TCOF1: variants seen among roughly 807,000 people sequenced by gnomAD.
The protein encoded by TCOF1 is treacle protein.
In TCOF1, 33 loss-of-function variants were observed where a neutral mutation model predicts 149.0. The observed-to-expected ratio is 0.22, with a 90% confidence interval of 0.17 to 0.30. TCOF1 has a LOEUF of 0.30. Among genes scored for constraint, TCOF1 ranks in the 10% least tolerant of loss-of-function variants. The pLI is 1.00. For missense variants in TCOF1, 1,728 were observed against 1,840.7 expected (o/e 0.94, Z 1.12); for synonymous variants, 789 against 738.8 (o/e 1.07, Z -1.10).
chr5:150,382,877 G>A (rs918430424), intron 17 of TCOF1, among the ~76,000 whole-genome samples: 7 of 152,208 alleles, frequency 4.6e-5, no homozygotes, highest in Non-Finnish European at 1.0e-4. Context: ...TAGCAGGGTG[G>A]AAGCATGTTT....
Position 150,368,886 on chromosome 5 carries a change from A to G in TCOF1, c.549A>G (p.Gly183=). The change falls in exon 5 of 27, where the codon GGA becomes GGG. Residue 183 remains glycine (G), a synonymous_variant. Transcript: ENST00000643257. ...AGGAGGGCAGCGTCCCGGCCTTTGG[A>G]GCTGCTGCCAAGCCTGGTAAGAAGT... ...TEEEGSVPAF[G]AAAKPGMVSA... The G allele has an allele frequency of 6.2e-7, 1 of 1,613,682 alleles. No homozygotes were observed. Among genetic ancestry groups the G allele is most frequent in the East Asian group, 2.2e-5 (1 of 44,884 alleles).
chr5:150,374,520 T>G (rs1177975263), intron 8 of TCOF1, 97 bp from the exon 9 acceptor site: 2 of 1,584,652 alleles, frequency 1.3e-6, no homozygotes, highest in African/African-American at 2.7e-5. Flanking sequence ...TCTCACTGTG[T>G]GGCATCATTT....
intron 3 of TCOF1, 125 bp downstream of exon 3, chr5:150,364,377 C>A: frequency 7.3e-7 from 1 of 1,371,698 alleles, no homozygotes; most frequent in Non-Finnish European, 1.0e-6. Context: ...ATTGGGAGGG[C>A]ACCACATATC....
chr5:150,360,849 A>G (rs935106287), intron 1 of TCOF1, among the ~76,000 whole-genome samples: 4 of 148,778 alleles, frequency 2.7e-5, no homozygotes, highest in African/African-American at 1.0e-4. Flanking sequence ...TGATCCTCCC[A>G]CCTCAGCCTC....
Position 150,376,220 on chromosome 5 carries a change from T to C in TCOF1, c.2032T>C (p.Ser678Pro), listed in dbSNP as rs1287599838. ...KAGTATSPAG[S>P]SPAVAGGTQR... Reference sequence around the variant, plus strand: ...AGGAACTGCGACTTCTCCAGCAGGCTCATCCCCAGCTGTGGCTGGGGGCAC... The same window carrying C: ...AGGAACTGCGACTTCTCCAGCAGGCCCATCCCCAGCTGTGGCTGGGGGCAC... Residue 678 changes from serine to proline, a missense_variant, in exon 13 of 27, where the codon TCA (serine) becomes CCA (proline). Ser to Pro is a moderately conservative substitution (Grantham distance 74, BLOSUM62 -1). Transcript: ENST00000643257. The C allele has an allele frequency of 6.2e-7, 1 of 1,614,084 alleles. No individual in the cohort carries two copies. Among genetic ancestry groups the C allele is most frequent in the African/African-American group, 1.3e-5 (1 of 74,934 alleles).
intron 3 of TCOF1, among the ~76,000 whole-genome samples, chr5:150,365,936 C>T (rs1761241889): frequency 6.6e-6 from 1 of 151,742 alleles, no homozygotes; most frequent in South Asian, 2.1e-4. Context: ...GCCTGGGCAA[C>T]ATGGCAAAAC....
chr5:150,390,869 T>G, intron 19 of TCOF1, among the ~76,000 whole-genome samples: 2 of 151,052 alleles, frequency 1.3e-5, no homozygotes, highest in African/African-American at 4.9e-5. Flanking sequence ...AGTCAGGGAG[T>G]GGTGAGGGGC....
At chr5:150,375,251 C>A (rs1329020573) in intron 10 of TCOF1, 88 bp downstream of exon 10, 1 of 1,606,756 alleles carries the variant, frequency 6.2e-7, no homozygotes, top group African/African-American at 1.3e-5. Flanking sequence ...ACCTAGAGCC[C>A]TGTGCGGCTG....
At chr5:150,359,085 G>T (rs1243648276) in intron 1 of TCOF1, among the ~76,000 whole-genome samples, 1 of 151,988 alleles carries the variant, frequency 6.6e-6, no homozygotes, top group Non-Finnish European at 1.5e-5. Flanking sequence ...GGTAGCTCAC[G>T]CCTGTAATCC....
intron 17 of TCOF1, among the ~76,000 whole-genome samples, chr5:150,387,485 G>A (rs1185879438): frequency 6.6e-6 from 1 of 152,192 alleles, no homozygotes; most frequent in Non-Finnish European, 1.5e-5. Flanking sequence ...TTGGAAAACT[G>A]CTTAGACCAC....
intron 3 of TCOF1, chr5:150,364,961 C>T (rs185604278): frequency 6.6e-6 from 1 of 152,634 alleles, no homozygotes; most frequent in African/African-American, 2.4e-5. Flanking sequence ...CTCAAGTGAT[C>T]CTCCTGCCTT....
In TCOF1 at chr5:150,396,596, A is replaced by C. The variant is rs201234047; in HGVS notation, c.4099A>C (p.Lys1367Gln). 3.4e-4 allele frequency: 537 copies of C among 1,582,910 alleles called. 2 individuals carry two copies. The highest frequency in any genetic ancestry group is 1.2e-3 in the Middle Eastern group (7 of 5,682). ...GACCCCCAGGAGCAAGAAGAAGAAGAAGCTGGGGGCCGGGGAAGGTGGGGA... is the reference window on the plus strand; with the variant it reads ...GACCCCCAGGAGCAAGAAGAAGAAGCAGCTGGGGGCCGGGGAAGGTGGGGA... ...ARTPRSKKKKKLGAGEGGEAS... is the reference protein window; with the variant it reads ...ARTPRSKKKKQLGAGEGGEAS... Residue 1367 changes from lysine (K) to glutamine (Q), a missense_variant, in exon 24 of 27, where the codon AAG (lysine) becomes CAG (glutamine). Physicochemically the swap from Lys to Gln is moderately conservative, Grantham distance 53. Transcript: ENST00000643257.
At chr5:150,365,039 G>A (rs529337182) in intron 3 of TCOF1, 45 of 152,014 alleles carry the variant, frequency 3.0e-4, no homozygotes, top group African/African-American at 9.6e-4. Context: ...TGCTTTTAAA[G>A]TGTTTGAGAT....
At chr5:150,368,042 T>C in intron 4 of TCOF1, 125 bp downstream of exon 4, 1 of 1,022,900 alleles carries the variant, frequency 9.8e-7, no homozygotes. Context: ...GAGCTCAACC[T>C]GTGTCACCAG....
chr5:150,387,394 G>A (rs546669838), intron 17 of TCOF1, among the ~76,000 whole-genome samples: 38 of 152,312 alleles, frequency 2.5e-4, no homozygotes, highest in Non-Finnish European at 4.3e-4. Flanking sequence ...TATCAGGAGG[G>A]CTGCATCAGA....
At chr5:150,386,601 G>C (rs980161663) in intron 17 of TCOF1, among the ~76,000 whole-genome samples, 5 of 150,758 alleles carry the variant, frequency 3.3e-5, no homozygotes, top group African/African-American at 1.2e-4. Context: ...GGGGTAAACA[G>C]GATGGTGAAA....
At chr5:150,393,711 T>A in intron 23 of TCOF1, 159 bp downstream of exon 23, 2 of 997,082 alleles carry the variant, frequency 2.0e-6, no homozygotes, top group South Asian at 3.0e-5. Context: ...GACCTGAAGA[T>A]GCTCATCAAA....
chr5:150,381,391 G>A (rs149481741), intron 17 of TCOF1, among the ~76,000 whole-genome samples: 2,652 of 152,330 alleles, frequency 0.017, 253 homozygotes, highest in Admixed American at 0.16. Context: ...CCGGATTATC[G>A]CAGACTATGC....
rs1002173170 is a variant in TCOF1, at chr5:150,357,697, G to C, written c.-50G>C. On this transcript the variant is annotated 5_prime_UTR_variant, in exon 1 of 27. Transcript: ENST00000643257. ...TAAGGGCGCGAGGGAAGTGGCGGGC[G>C]GGGACTAAGGCGGGGCGTGCAGGTA... 6.7e-7 allele frequency: 1 copy of C among 1,498,032 alleles called. No individual in the cohort carries two copies. Among genetic ancestry groups the C allele is most frequent in the African/African-American group, 1.4e-5 (1 of 71,850 alleles). The allele number at this position is 1,498,032 out of a possible 1,614,324, so 92.8% of individuals were successfully genotyped here. A position where few individuals can be genotyped will look rare whatever the true frequency, so the allele number is the denominator to read the frequency against.
Sources: allele counts gnomAD v4.1 joint callset (sites outside exome capture counted in the v4.1 genomes callset), GRCh38; gene constraint gnomAD v4.1.1; transcripts MANE v1.5; gene names NCBI Gene and HGNC (gene_info 2026-07-23, HGNC 2026-07-21).